Variants in BBS7 observed in about 807,000 individuals in gnomAD.
BBS7 encodes the protein BBSome complex member BBS7.
A neutral mutation model predicts 90.3 loss-of-function variants in BBS7; 50 were observed. The ratio of observed to expected loss-of-function variants is 0.55; its 90% CI spans 0.44 to 0.70. The LOEUF is 0.70. Among genes scored for constraint, BBS7 ranks in the 30% least tolerant of loss-of-function variants. The probability of loss-of-function intolerance (pLI) is 0.00; values close to 1 mark genes in which losing one functional copy is unlikely to be tolerated. For synonymous variants in BBS7, 235 were observed against 287.4 expected, an observed-to-expected ratio of 0.82 and a Z score of 1.85; for missense variants, 729 against 838.9, an observed-to-expected ratio of 0.87 and a Z score of 1.62.
chr4:121,859,154 A>G lies in BBS7; in HGVS notation c.366T>C (p.Phe122=). 1.2e-6 allele frequency: 2 copies of G among 1,613,914 alleles called. No individual in the cohort carries two copies. Among genetic ancestry groups the G allele is most frequent in the Non-Finnish European group, 1.7e-6 (2 of 1,179,830 alleles). Residue 122 remains phenylalanine (F), a synonymous_variant, in exon 5 of 19, where the codon TTT becomes TTC. Coordinates refer to ENST00000264499, the MANE Select transcript of BBS7 (RefSeq NM_176824.3). The part of the protein sequence containing the change: ...KAMHISGSDL[F]LSASYIYNHY... ...GGTTATAGATGTAACTTGCACTGAG[A>G]AAGAGGTCTGAGCCAGATATGTGCC...
chr4:121,870,004 C>T (rs1332101746), intron 1 of BBS7, among the ~76,000 whole-genome samples: 1 of 152,166 alleles, frequency 6.6e-6, no homozygotes, highest in Non-Finnish European at 1.5e-5. Context: ...GGGGGGAATC[C>T]GGGATGAGAC....
chr4:121,839,356 C>T (rs1283794772), intron 13 of BBS7, among the ~76,000 whole-genome samples: 1 of 151,976 alleles, frequency 6.6e-6, no homozygotes, highest in Non-Finnish European at 1.5e-5. Flanking sequence ...TGCTTCAGCT[C>T]AGGAGTTTGA....
intron 4 of BBS7, 89 bp from the exon 5 acceptor site, chr4:121,859,267 C>G: frequency 8.8e-7 from 1 of 1,136,796 alleles, no homozygotes. Context: ...ATACAGTTTA[C>G]TAACATTTTA....
chr4:121,841,242 G>A (rs964371741), intron 12 of BBS7, among the ~76,000 whole-genome samples: 4 of 152,036 alleles, frequency 2.6e-5, no homozygotes, highest in African/African-American at 9.7e-5. Context: ...GGAGTGGGAA[G>A]GAGAGGGTGA....
intron 4 of BBS7, among the ~76,000 whole-genome samples, chr4:121,861,093 TAG>T (rs1407592922): frequency 2.0e-5 from 3 of 152,202 alleles, no homozygotes; most frequent in East Asian, 1.9e-4. Context: ...ATATTTCACT[TAG>T]AGTCTTACCT....
At chr4:121,834,712 T>C (rs1429430750) in intron 14 of BBS7, among the ~76,000 whole-genome samples, 1 of 152,178 alleles carries the variant, frequency 6.6e-6, no homozygotes, top group Non-Finnish European at 1.5e-5. Flanking sequence ...ATGCCTAAGT[T>C]GGCATGGAAA....
intron 18 of BBS7, among the ~76,000 whole-genome samples, chr4:121,827,400 T>C (rs1022954356): frequency 6.6e-6 from 1 of 152,202 alleles, no homozygotes; most frequent in Non-Finnish European, 1.5e-5. Flanking sequence ...AATGCAGGCA[T>C]GATCACTAAC....
chr4:121,827,721 C>T, intron 18 of BBS7: 1 of 880,902 alleles, frequency 1.1e-6, no homozygotes, highest in Non-Finnish European at 1.4e-6. Context: ...ATTGACACAA[C>T]ACAAATACTG....
chr4:121,864,305 C>G (rs1409758005), intron 2 of BBS7, among the ~76,000 whole-genome samples: 1 of 152,102 alleles, frequency 6.6e-6, no homozygotes, highest in Non-Finnish European at 1.5e-5. Flanking sequence ...TTTAAATACC[C>G]CTCCTTATTT....
intron 12 of BBS7, 21 bp from the exon 13 acceptor site, chr4:121,839,717 A>T: frequency 1.2e-6 from 2 of 1,603,288 alleles, no homozygotes; most frequent in African/African-American, 1.3e-5. Context: ...TACAAAGTGG[A>T]GGAAAAGAAT....
chr4:121,829,296 G>A (rs963066760), intron 15 of BBS7, among the ~76,000 whole-genome samples: 8 of 150,070 alleles, frequency 5.3e-5, no homozygotes, highest in African/African-American at 1.2e-4. Context: ...GTGCAGTGGC[G>A]TGATCTCCAC....
intron 15 of BBS7, among the ~76,000 whole-genome samples, chr4:121,830,598 A>G (rs1381667614): frequency 2.6e-5 from 4 of 152,158 alleles, no homozygotes; most frequent in Non-Finnish European, 5.9e-5. Flanking sequence ...CATCATAACA[A>G]TTCAATAAAG....
chr4:121,868,684 CAAAAAAAAAAAA>C lies in BBS7; in HGVS notation c.37-650_37-639del, dbSNP rs34910805. Among the ~76,000 whole-genome samples the C allele has an allele frequency of 7.2e-4, 36 of 49,686 alleles. 2 individuals carry two copies. The highest frequency in any genetic ancestry group is 1.9e-3 in the African/African-American group (21 of 11,062). The allele number at this position is 49,686 out of a possible 152,430, so 32.6% of individuals were successfully genotyped here. A position where few individuals can be genotyped will look rare whatever the true frequency, so the allele number is the denominator to read the frequency against. On this transcript the variant is annotated intron_variant, in intron 1 of 18. Coordinates refer to ENST00000264499, the MANE Select transcript of BBS7 (RefSeq NM_176824.3). ...TGCGTGACAGAACAAGACCCTGTTT[CAAAAAAAAAAAA>C]AAAAAAAAAAAAAAAAAAAAGAAGA...
chr4:121,840,944 T>C (rs867331194), intron 12 of BBS7, among the ~76,000 whole-genome samples: 18 of 151,796 alleles, frequency 1.2e-4, no homozygotes, highest in Middle Eastern at 6.8e-3. Context: ...CTCAACTGAC[T>C]CTCATACCTC....
chr4:121,845,716 A>G lies in BBS7; in HGVS notation c.1038-20T>C. 1 of 1,595,606 alleles carries G rather than the reference A, an allele frequency of 6.3e-7. No individual in the cohort carries two copies. Among genetic ancestry groups the G allele is most frequent in the Non-Finnish European group, 8.6e-7 (1 of 1,164,164 alleles). On this transcript the variant is annotated intron_variant, in intron 10 of 18. Transcript: ENST00000264499. ...TCATTCCTGGAGAAAAACACATACA[A>G]ATTTGTCAAATATAAGTATAAACAT...
At chr4:121,863,794 T>C (rs1362436286) in intron 2 of BBS7, among the ~76,000 whole-genome samples, 1 of 152,252 alleles carries the variant, frequency 6.6e-6, no homozygotes. Context: ...AATATTATAA[T>C]GAATTATCAT....
chr4:121,854,894 T>C (rs1383220464), intron 6 of BBS7, 74 bp from the exon 7 acceptor site: 3 of 1,386,942 alleles, frequency 2.2e-6, no homozygotes, highest in South Asian at 1.2e-5. Flanking sequence ...AATGTTGTTA[T>C]GTAAAAATAT....
intron 2 of BBS7, among the ~76,000 whole-genome samples, chr4:121,864,986 T>A (rs1727179292): frequency 6.6e-6 from 1 of 152,020 alleles, no homozygotes; most frequent in Non-Finnish European, 1.5e-5. Flanking sequence ...ACTACTTGAG[T>A]TTTTTCTTCC....
intron 13 of BBS7, 129 bp from the exon 14 acceptor site, chr4:121,835,412 G>A: frequency 1.8e-6 from 2 of 1,093,906 alleles, no homozygotes; most frequent in Non-Finnish European, 2.6e-6. Flanking sequence ...AAGAGGAGTT[G>A]GAAAGCTGTC....
Sources: allele counts gnomAD v4.1 joint callset (sites outside exome capture counted in the v4.1 genomes callset), GRCh38; gene constraint gnomAD v4.1.1; transcripts MANE v1.5; gene names NCBI Gene and HGNC (gene_info 2026-07-23, HGNC 2026-07-21).